The following PCDH7 variants were observed in gnomAD, a reference collection of about 807,000 sequenced individuals.
PCDH7 encodes the protein protocadherin 7.
Under a neutral mutation model 58.9 loss-of-function variants are expected in PCDH7, and 17 were observed. The ratio of observed to expected loss-of-function variants is 0.29; its 90% CI spans 0.20 to 0.43. The LOEUF is 0.43. Among genes scored for constraint, PCDH7 ranks in the 20% least tolerant of loss-of-function variants. PCDH7 has a pLI of 1.00. For synonymous variants in PCDH7, 664 were observed against 616.4 expected (o/e 1.08, Z -1.14); for missense variants, 1,274 against 1,441.0 (o/e 0.88, Z 1.88).
chr4:30,731,953 T>G (rs920476736), exon 2 of PCDH7: 3 of 152,184 alleles, frequency 2.0e-5, no homozygotes, highest in African/African-American at 7.2e-5. Flanking sequence ...ATTAAAATTT[T>G]CCACAAATTT....
intron 3 of PCDH7, among the ~76,000 whole-genome samples, chr4:30,968,375 A>AATATATATATATATATATATATATAT (rs1560541525): frequency 1.4e-5 from 1 of 71,752 alleles, no homozygotes; most frequent in Non-Finnish European, 2.7e-5. Flanking sequence ...ATATACACAC[A>AATATATATATATATATATATATATAT]CTATATATAT....
intron 1 of PCDH7, among the ~76,000 whole-genome samples, chr4:30,878,330 T>C (rs1736542568): frequency 6.6e-6 from 1 of 152,130 alleles, no homozygotes; most frequent in South Asian, 2.1e-4. Context: ...ATTACTTCTG[T>C]GCACATGCTA....
chr4:30,875,031 C>G (rs1736117042), intron 1 of PCDH7, among the ~76,000 whole-genome samples: 1 of 152,028 alleles, frequency 6.6e-6, no homozygotes, highest in South Asian at 2.1e-4. Context: ...ATCGTATTTT[C>G]AAGTTGGCTA....
chr4:31,076,313 G>T (rs1758985704), intron 3 of PCDH7, among the ~76,000 whole-genome samples: 1 of 152,152 alleles, frequency 6.6e-6, no homozygotes, highest in Non-Finnish European at 1.5e-5. Flanking sequence ...TTTATCAAAA[G>T]AGATTATTTT....
At chr4:30,821,146 A>T (rs1186785830) in intron 1 of PCDH7, among the ~76,000 whole-genome samples, 2 of 152,100 alleles carry the variant, frequency 1.3e-5, no homozygotes, top group Non-Finnish European at 2.9e-5. Context: ...TTGGGAGGTT[A>T]AGTCACTCTC....
chr4:31,060,491 C>A (rs917116928), intron 3 of PCDH7, among the ~76,000 whole-genome samples: 41 of 151,800 alleles, frequency 2.7e-4, no homozygotes, highest in African/African-American at 8.9e-4. Flanking sequence ...CTTGAGGGGA[C>A]AGTTTTCATG....
chr4:30,999,991 T>G (rs1281742785), intron 3 of PCDH7, among the ~76,000 whole-genome samples: 1 of 152,198 alleles, frequency 6.6e-6, no homozygotes, highest in Non-Finnish European at 1.5e-5. Context: ...TTATTGTTTA[T>G]GGCTGTTTAA....
intron 3 of PCDH7, among the ~76,000 whole-genome samples, chr4:30,967,591 C>T (rs544905114): frequency 6.6e-6 from 1 of 152,234 alleles, no homozygotes; most frequent in African/African-American, 2.4e-5. Flanking sequence ...AGGAAAAGCA[C>T]TGGGTCCTAT....
At chr4:30,730,827 G>C in exon 2 of PCDH7, 1 of 1,561,336 alleles carries the variant, frequency 6.4e-7, no homozygotes, top group Non-Finnish European at 8.6e-7. Flanking sequence ...GCACCATACT[G>C]TGATGACCTT....
At chr4:30,932,356 A>G (rs1578333431) in intron 2 of PCDH7, among the ~76,000 whole-genome samples, 1 of 152,324 alleles carries the variant, frequency 6.6e-6, no homozygotes, top group South Asian at 2.1e-4. Flanking sequence ...CATACTAATA[A>G]TGATTTGTCA....
intron 3 of PCDH7, among the ~76,000 whole-genome samples, chr4:31,004,375 A>C (rs1360091705): frequency 2.6e-5 from 4 of 152,106 alleles, no homozygotes; most frequent in Non-Finnish European, 4.4e-5. Context: ...TAACCTAGGA[A>C]GTACAGGCAG....
intron 3 of PCDH7, among the ~76,000 whole-genome samples, chr4:31,030,853 A>G (rs1408315033): frequency 3.9e-5 from 6 of 152,210 alleles, no homozygotes; most frequent in African/African-American, 1.4e-4. Flanking sequence ...GTATAGGGGC[A>G]AAGAACATGT....
intron 1 of PCDH7, among the ~76,000 whole-genome samples, chr4:30,912,320 CTGTT>C (rs1257738905): frequency 6.6e-6 from 1 of 152,200 alleles, no homozygotes; most frequent in Non-Finnish European, 1.5e-5. Context: ...CTGGTTGAGA[CTGTT>C]TGCAGATTAA....
At chr4:31,069,642 G>A (rs2109250607) in intron 3 of PCDH7, among the ~76,000 whole-genome samples, 1 of 152,010 alleles carries the variant, frequency 6.6e-6, no homozygotes, top group African/African-American at 2.4e-5. Context: ...GATGATAAAA[G>A]TTTGATGGAA....
At chr4:30,792,192 G>T (rs1464526363) in intron 1 of PCDH7, among the ~76,000 whole-genome samples, 1 of 152,140 alleles carries the variant, frequency 6.6e-6, no homozygotes, top group Non-Finnish European at 1.5e-5. Context: ...TTTTGGAGAA[G>T]ATAAAATGAG....
chr4:30,955,345 A>G (rs1474963269), intron 3 of PCDH7, among the ~76,000 whole-genome samples: 1 of 152,072 alleles, frequency 6.6e-6, no homozygotes, highest in African/African-American at 2.4e-5. Flanking sequence ...ACTGACTCAC[A>G]TAAGCATAAA....
chr4:30,828,382 G>A (rs1476162639), intron 1 of PCDH7, among the ~76,000 whole-genome samples: 1 of 151,984 alleles, frequency 6.6e-6, no homozygotes, highest in African/African-American at 2.4e-5. Context: ...ATTCTCAAGT[G>A]GAATGTGGCA....
intron 3 of PCDH7, among the ~76,000 whole-genome samples, chr4:30,953,411 A>T (rs1027098154): frequency 3.9e-5 from 6 of 151,912 alleles, no homozygotes; most frequent in Non-Finnish European, 5.9e-5. Flanking sequence ...ATATTACTTG[A>T]TTGCAAATCT....
At chr4:30,970,782 G>T (rs1203577137) in intron 3 of PCDH7, among the ~76,000 whole-genome samples, 1 of 152,098 alleles carries the variant, frequency 6.6e-6, no homozygotes, top group African/African-American at 2.4e-5. Flanking sequence ...TATATTTTCT[G>T]TAGCTACAGA....
Sources: gnomAD v4.1 joint callset for allele counts (sites outside exome capture counted in the v4.1 genomes callset) on GRCh38, gnomAD v4.1.1 for gene constraint, MANE v1.5 for transcripts, NCBI Gene and HGNC (gene_info 2026-07-23, HGNC 2026-07-21) for gene names.